DPP9: variants seen among roughly 807,000 people sequenced by gnomAD.
DPP9 encodes the protein dipeptidyl peptidase 9.
Under a neutral mutation model 110.7 loss-of-function variants are expected in DPP9, and 50 were observed. That is an observed-to-expected ratio of 0.45 (90% CI 0.36 to 0.57). DPP9 has a LOEUF of 0.57. Ranked by LOEUF, DPP9 falls within the 20% of genes least tolerant of loss-of-function variation. The pLI, the probability that DPP9 is intolerant of heterozygous loss-of-function variation, is 0.00. For missense variants in DPP9, 1,022 were observed against 1,217.9 expected (o/e 0.84, Z 2.39); for synonymous variants, 561 against 514.4 (o/e 1.09, Z -1.23).
In DPP9 at chr19:4,695,516, G is replaced by C; in HGVS notation, c.1215C>G (p.Leu405=). The part of the protein sequence containing the change: ...AMFLDRPQQW[L]QLVLLPPALF... ...GGGCCGGGGGGAGGAGGACGAGCTG[G>C]AGCCACTGCTGGGGCCGGTCCAGGA... The change falls in exon 12 of 22, where the codon CTC becomes CTG. Residue 405 remains leucine, a synonymous_variant. Coordinates refer to ENST00000262960, the MANE Select transcript of DPP9 (RefSeq NM_139159.5). This position sits in a 1 kb window ranked among gnomAD's most constrained non-coding sequence, Gnocchi z 4.7. 1 of 1,538,166 alleles carries C rather than the reference G, an allele frequency of 6.5e-7. No individual in the cohort carries two copies. Among genetic ancestry groups the C allele is most frequent in the Non-Finnish European group, 8.7e-7 (1 of 1,145,302 alleles).
In DPP9 at chr19:4,679,877, G is replaced by A. The variant is rs775089996; in HGVS notation, c.2544C>T (p.Leu848=). 56 of 1,613,540 alleles carry A rather than the reference G, an allele frequency of 3.5e-5. No individual in the cohort carries two copies. Among genetic ancestry groups the A allele is most frequent in the Non-Finnish European group, 4.7e-5 (56 of 1,179,792 alleles). ...TCCCTGCTCGGATCAGTTGGGAGAC[G>A]AGGAAGTTTGTGTGGAAAAAGTGCA... ...ENVHFFHTNF[L]VSQLIRAGKP... The change falls in exon 21 of 22, where the codon CTC becomes CTT. Residue 848 remains leucine (L), a synonymous_variant. Coordinates refer to ENST00000262960, the MANE Select transcript of DPP9 (RefSeq NM_139159.5).
At chr19:4,688,559 C>T (rs2091010860) in intron 16 of DPP9, 198 bp downstream of exon 16, 1 of 684,714 alleles carries the variant, frequency 1.5e-6, no homozygotes, top group Non-Finnish European at 2.1e-6. Flanking sequence ...GCAGCTCGAA[C>T]CCAGGACCGT....
chr19:4,690,755 A>G, intron 14 of DPP9, 123 bp downstream of exon 14: 2 of 778,374 alleles, frequency 2.6e-6, no homozygotes, highest in Non-Finnish European at 4.3e-6. Flanking sequence ...GCGTGTGTGT[A>G]TGTGTGAGAA....
rs184325626 is a variant in DPP9, at chr19:4,718,742, C to T, written c.56+1109G>A. On this transcript the variant is annotated intron_variant, in intron 3 of 21. Transcript: ENST00000262960. The surrounding 1 kb of genome is among the most constrained non-coding windows in gnomAD (Gnocchi z 4.3). ...TGTGCCCACCAGACGCTGGGACCAC[C>T]CGGTTTTAGAGCCCATGGCTGGGCC... is the stretch of plus-strand genomic sequence containing the variant. Among the ~76,000 whole-genome samples the T allele has an allele frequency of 4.5e-4, 68 of 152,320 alleles. No homozygotes were observed. The highest frequency in any genetic ancestry group is 1.6e-3 in the African/African-American group (67 of 41,576).
intron 2 of DPP9, 104 bp downstream of exon 2, chr19:4,722,395 A>G (rs1429072466): frequency 1.5e-6 from 1 of 647,380 alleles, no homozygotes; most frequent in Non-Finnish European, 2.8e-6. Flanking sequence ...ATCCAGGGCC[A>G]TAGAAAACCA....
At position 4,687,706 on chromosome 19, in the gene DPP9, G is replaced by A. The variant is rs1469937587; in HGVS notation, c.1885+1051C>T. Among the ~76,000 whole-genome samples, 1 of 152,244 alleles carries A rather than the reference G, an allele frequency of 6.6e-6. No individual in the cohort carries two copies. Among genetic ancestry groups the A allele is most frequent in the Non-Finnish European group, 1.5e-5 (1 of 68,044 alleles). On this transcript the variant is annotated intron_variant, in intron 16 of 21. Transcript: ENST00000262960. This position sits in a 1 kb window ranked among gnomAD's most constrained non-coding sequence, Gnocchi z 4.7. Reference sequence around the variant, plus strand: ...CCAGGACTGCAGGGTCCTGGAGAAGGTGAGTGGAAAGCCTGATAACCACGG... The same window carrying A: ...CCAGGACTGCAGGGTCCTGGAGAAGATGAGTGGAAAGCCTGATAACCACGG...
rs2088833506 is a variant in DPP9 at position 4,676,395 on chromosome 19, G to C, written c.*169C>G. On this transcript the variant is annotated 3_prime_UTR_variant, in exon 22 of 22. Coordinates refer to ENST00000262960, the MANE Select transcript of DPP9 (RefSeq NM_139159.5). This position sits in a 1 kb window ranked among gnomAD's most constrained non-coding sequence, Gnocchi z 4.0. ...ATAAAACCCAAGAGCGTTTAAAAAA[G>C]GATAAAAGGCGTCGGGGCGGTGAAG... 6.5e-6 allele frequency: 4 copies of C among 617,426 alleles called. No homozygotes were observed. The highest frequency in any genetic ancestry group is 3.8e-4 in the Middle Eastern group (1 of 2,650). 38.2% of individuals were successfully genotyped at this position (617,426 alleles called of 1,614,324 possible). A position where few individuals can be genotyped will look rare whatever the true frequency, so the allele number is the denominator to read the frequency against.
intron 4 of DPP9, among the ~76,000 whole-genome samples, chr19:4,712,896 G>A (rs1320504418): frequency 3.3e-5 from 5 of 152,192 alleles, no homozygotes; most frequent in Admixed American, 1.3e-4. Context: ...AGAGGATGAC[G>A]GCCGTTCACT....
intron 4 of DPP9, among the ~76,000 whole-genome samples, chr19:4,708,196 C>A (rs1299922714): frequency 3.3e-5 from 5 of 152,154 alleles, no homozygotes; most frequent in Admixed American, 3.3e-4. Flanking sequence ...CCAGCCCAGG[C>A]CCTGAGCCAA....
In DPP9 at chr19:4,694,264, G is replaced by A. The variant is rs2091588853; in HGVS notation, c.1516+397C>T. 3.0e-6 allele frequency: 1 copy of A among 338,588 alleles called. No homozygotes were observed. Among genetic ancestry groups the A allele is most frequent in the Non-Finnish European group, 5.3e-6 (1 of 186,938 alleles). 21.0% of individuals were successfully genotyped at this position (338,588 alleles called of 1,614,324 possible). A position where few individuals can be genotyped will look rare whatever the true frequency, so the allele number is the denominator to read the frequency against. The stretch of plus-strand genomic sequence containing the variant: ...TTGGCCTTGCACAACAGTTTCTGCT[G>A]GGACTACCCAGTTCTGCTGCTGCAG... On this transcript the variant is annotated intron_variant, in intron 13 of 21. Coordinates refer to ENST00000262960, the MANE Select transcript of DPP9 (RefSeq NM_139159.5). The surrounding 1 kb of genome is among the most constrained non-coding windows in gnomAD (Gnocchi z 4.0).
At chr19:4,706,689 G>A (rs2092602326) in intron 4 of DPP9, among the ~76,000 whole-genome samples, 2 of 152,152 alleles carry the variant, frequency 1.3e-5, no homozygotes, top group Non-Finnish European at 1.5e-5. Context: ...GGTGGCACGC[G>A]CCTGTAATCC....
chr19:4,701,507 G>A (rs906637282), intron 9 of DPP9, among the ~76,000 whole-genome samples: 1 of 152,196 alleles, frequency 6.6e-6, no homozygotes, highest in Non-Finnish European at 1.5e-5. Flanking sequence ...ACTGTAGTGT[G>A]AGGGCCAAAT....
intron 4 of DPP9, among the ~76,000 whole-genome samples, chr19:4,708,748 G>A (rs1337005231): frequency 6.6e-6 from 1 of 152,304 alleles, no homozygotes; most frequent in Non-Finnish European, 1.5e-5. Flanking sequence ...AGAACACATG[G>A]ACACATAGAG....
chr19:4,714,247 C>T lies in DPP9; in HGVS notation c.147G>A (p.Pro49=), dbSNP rs769074736. Residue 49 remains proline (P), a synonymous_variant, in exon 4 of 22, where the codon CCG becomes CCA. Coordinates refer to ENST00000262960, the MANE Select transcript of DPP9 (RefSeq NM_139159.5). ...DRGDAAATDD[P]AARFQVQKHS... ...GCTTCTGCACCTGGAAGCGGGCGGC[C>T]GGGTCATCTGTGGCGGCTGCGTCGC... 33 of 1,589,468 alleles carry T rather than the reference C, an allele frequency of 2.1e-5. No individual in the cohort carries two copies. Among genetic ancestry groups the T allele is most frequent in the East Asian group, 9.2e-5 (4 of 43,606 alleles).
Position 4,684,890 on chromosome 19 carries a change from G to A in DPP9, c.2032-81C>T. ...GGCAGGGGAGATGCCGGTGGGCTGGGGACCGGGCCGGGCTGGGGCCTCAGA... is the reference window on the plus strand; with the variant it reads ...GGCAGGGGAGATGCCGGTGGGCTGGAGACCGGGCCGGGCTGGGGCCTCAGA... On this transcript the variant is annotated intron_variant, in intron 17 of 21. Coordinates refer to ENST00000262960, the MANE Select transcript of DPP9 (RefSeq NM_139159.5). This position sits in a 1 kb window ranked among gnomAD's most constrained non-coding sequence, Gnocchi z 4.8. 3 of 1,532,952 alleles carry A rather than the reference G, an allele frequency of 2.0e-6. No individual in the cohort carries two copies. Among genetic ancestry groups the A allele is most frequent in the Non-Finnish European group, 2.6e-6 (3 of 1,132,956 alleles). The allele number at this position is 1,532,952 out of a possible 1,614,324, so 95.0% of individuals were successfully genotyped here.
At chr19:4,691,864 G>C (rs2091358076) in intron 13 of DPP9, among the ~76,000 whole-genome samples, 1 of 151,790 alleles carries the variant, frequency 6.6e-6, no homozygotes, top group South Asian at 2.1e-4. Flanking sequence ...TTTTAGTAGA[G>C]ACGGGGTTTC....
chr19:4,714,052 G>C, intron 4 of DPP9, 29 bp downstream of exon 4: 2 of 1,587,378 alleles, frequency 1.3e-6, no homozygotes, highest in Non-Finnish European at 1.7e-6. Context: ...TGCTGTCCCC[G>C]CCCAAGCAGC....
Position 4,676,556 on chromosome 19 carries a change from G to T in DPP9, c.*8C>A. 6.3e-7 allele frequency: 1 copy of T among 1,586,972 alleles called. No individual in the cohort carries two copies. Among genetic ancestry groups the T allele is most frequent in the Non-Finnish European group, 8.6e-7 (1 of 1,167,556 alleles). ...GTGCTGTGATGTGGCGGCTCCCGGT[G>T]GGCAGGCTCAGAGGTATTCCTGTAG... On this transcript the variant is annotated 3_prime_UTR_variant, in exon 22 of 22. Coordinates refer to ENST00000262960, the MANE Select transcript of DPP9 (RefSeq NM_139159.5). This position sits in a 1 kb window ranked among gnomAD's most constrained non-coding sequence, Gnocchi z 4.0.
At position 4,684,276 on chromosome 19, in the gene DPP9, G is replaced by A; in HGVS notation, c.2178+387C>T. ...CCAGGCAACCTCGTGGGAACAGAGA[G>A]CAGCCCTCCCCGACACAGCCCTGCC... On this transcript the variant is annotated intron_variant, in intron 18 of 21. Coordinates refer to ENST00000262960, the MANE Select transcript of DPP9 (RefSeq NM_139159.5). This position sits in a 1 kb window ranked among gnomAD's most constrained non-coding sequence, Gnocchi z 4.8. 1 of 285,258 alleles carries A rather than the reference G, an allele frequency of 3.5e-6. No homozygotes were observed. The highest frequency in any genetic ancestry group is 3.7e-5 in the South Asian group (1 of 26,946). The allele number at this position is 285,258 out of a possible 1,614,324, so 17.7% of individuals were successfully genotyped here. A position where few individuals can be genotyped will look rare whatever the true frequency, so the allele number is the denominator to read the frequency against.
Sources: gnomAD v4.1 joint callset for allele counts (sites outside exome capture counted in the v4.1 genomes callset) on GRCh38, gnomAD v4.1.1 for gene constraint, Gnocchi (gnomAD v3.1) non-coding constraint, MANE v1.5 for transcripts, NCBI Gene and HGNC (gene_info 2026-07-23, HGNC 2026-07-21) for gene names.